The following CHADL variants were observed in gnomAD, a reference collection of about 807,000 sequenced individuals.
CHADL encodes the protein chondroadherin like.
CHADL carries 48 observed loss-of-function variants against 52.1 expected under a neutral mutation model. The observed-to-expected ratio is 0.92, with a 90% confidence interval of 0.73 to 1.17. The LOEUF (loss-of-function observed/expected upper bound fraction) is 1.17. Ranked by LOEUF, CHADL falls within the 50% of genes most tolerant of loss-of-function variation. The pLI is 0.00. For missense variants in CHADL, 977 were observed against 1,035.1 expected, an observed-to-expected ratio of 0.94 and a Z score of 0.77; for synonymous variants, 498 against 511.2, an observed-to-expected ratio of 0.97 and a Z score of 0.35.
intron 5 of CHADL, among the ~76,000 whole-genome samples, chr22:41,232,198 G>A (rs1367179237): frequency 6.6e-6 from 1 of 151,990 alleles, no homozygotes; most frequent in African/African-American, 2.4e-5. Flanking sequence ...CGGGCGTGGT[G>A]GCAGTCACCT....
At chr22:41,232,834 G>A (rs575871477) in intron 5 of CHADL, among the ~76,000 whole-genome samples, 4 of 152,180 alleles carry the variant, frequency 2.6e-5, no homozygotes, top group South Asian at 4.2e-4. Flanking sequence ...CGGGGCTGAC[G>A]CAGGGAGAAA....
intron 3 of CHADL, 49 bp downstream of exon 3, chr22:41,237,127 G>T: frequency 6.7e-7 from 1 of 1,481,792 alleles, no homozygotes; most frequent in Non-Finnish European, 9.0e-7. Flanking sequence ...CGCTGCCTGT[G>T]GCCTTGTGCC....
At chr22:41,237,009 G>A (rs958576723) in intron 3 of CHADL, among the ~76,000 whole-genome samples, 167 bp downstream of exon 3, 2 of 152,196 alleles carry the variant, frequency 1.3e-5, no homozygotes, top group African/African-American at 2.4e-5. Flanking sequence ...GGTTCTGCCC[G>A]GACTGTCACT....
intron 5 of CHADL, chr22:41,230,746 A>G (rs565761482): frequency 6.5e-6 from 1 of 154,172 alleles, no homozygotes; most frequent in East Asian, 1.9e-4. Context: ...CTCTGCCTCA[A>G]AAATTCACCA....
At position 41,238,741 on chromosome 22, in the gene CHADL, G is replaced by A. The variant is rs1313710311; in HGVS notation, c.331C>T (p.Arg111Cys). Residue 111 changes from arginine to cysteine, a missense_variant, in exon 3 of 6, where the codon CGC becomes TGC. By Grantham distance (180) the Arg-to-Cys change is radical (BLOSUM62 -3). Coordinates refer to ENST00000216241, the MANE Select transcript of CHADL (RefSeq NM_138481.2). The surrounding 1 kb of genome is among the most constrained non-coding windows in gnomAD (Gnocchi z 4.9). Reference protein sequence around the residue: ...VAEGAFRGLGRLLLLNLASNH... With the variant: ...VAEGAFRGLGCLLLLNLASNH... ...GAGGCCAGGTTGAGCAGGAGCAGGC[G>A]GCCCAGGCCACGGAAGGCGCCCTCG... 1.9e-6 allele frequency: 3 copies of A among 1,548,602 alleles called. No homozygotes were observed. The highest frequency in any genetic ancestry group is 1.2e-5 in the South Asian group (1 of 84,008).
At chr22:41,239,104 T>C (rs2032813957) in intron 2 of CHADL, among the ~76,000 whole-genome samples, 1 of 152,112 alleles carries the variant, frequency 6.6e-6, no homozygotes, top group Admixed American at 6.5e-5. Context: ...CCTCGCTCTC[T>C]CTCCTCCACT....
Position 41,238,772 on chromosome 22 carries a change from C to T in CHADL, c.300G>A (p.Leu100=), listed in dbSNP as rs996986780. The change falls in exon 3 of 6, where the codon CTG becomes CTA. Residue 100 remains leucine (L), a synonymous_variant. Transcript: ENST00000216241. The surrounding 1 kb of genome is among the most constrained non-coding windows in gnomAD (Gnocchi z 4.9). ...HLDLRHCEVE[L]VAEGAFRGLG... ...GGCCACGGAAGGCGCCCTCGGCCACCAGCTCCACCTCGCAGTGGCGCAGGT... is the reference window on the plus strand; with the variant it reads ...GGCCACGGAAGGCGCCCTCGGCCACTAGCTCCACCTCGCAGTGGCGCAGGT... The T allele has an allele frequency of 6.5e-7, 1 of 1,549,460 alleles. No individual in the cohort carries two copies. The highest frequency in any genetic ancestry group is 1.4e-5 in the African/African-American group (1 of 73,054).
At chr22:41,230,436 G>C in intron 5 of CHADL, 1 of 593,128 alleles carries the variant, frequency 1.7e-6, no homozygotes, top group Admixed American at 3.0e-5. Flanking sequence ...TGTTGCTTCT[G>C]CCCTCCCCTG....
At position 41,240,871 on chromosome 22, in the gene CHADL, C is replaced by A; in HGVS notation, c.8+3G>T. 1 of 1,550,816 alleles carries A rather than the reference C, an allele frequency of 6.4e-7. No homozygotes were observed. ...CCTTGCACCATCGGGCCCAAAGACTCACCCCTCCATGCCGCCTGGAACTGC... is the reference window on the plus strand; with the variant it reads ...CCTTGCACCATCGGGCCCAAAGACTAACCCCTCCATGCCGCCTGGAACTGC... On this transcript the variant is annotated splice_donor_region_variant and intron_variant, in intron 1 of 5. Coordinates refer to ENST00000216241, the MANE Select transcript of CHADL (RefSeq NM_138481.2).
intron 5 of CHADL, among the ~76,000 whole-genome samples, chr22:41,234,281 G>A (rs963379994): frequency 3.9e-5 from 6 of 152,172 alleles, no homozygotes; most frequent in African/African-American, 1.4e-4. Flanking sequence ...CCCACAGCAG[G>A]AGCAAATGGT....
chr22:41,236,782 A>G, intron 3 of CHADL, 132 bp from the exon 4 acceptor site: 1 of 911,242 alleles, frequency 1.1e-6, no homozygotes, highest in South Asian at 1.8e-5. Flanking sequence ...CAGGAAGTGC[A>G]GCGCTGGGTC....
rs953785142 is a variant in CHADL, at chr22:41,233,036, A to C, written c.2262+2109T>G. 7.2e-5 allele frequency among the ~76,000 whole-genome samples: 11 copies of C among 152,172 alleles called. 1 individual carries two copies. Among genetic ancestry groups the C allele is most frequent in the African/African-American group, 2.7e-4 (11 of 41,452 alleles). ...TTATAGACTGACTTGTGCCCATCCC[A>C]AAAGGCTGGATCCCTAACCCCAGTA... On this transcript the variant is annotated intron_variant, in intron 5 of 5. Transcript: ENST00000216241.
At position 41,235,297 on chromosome 22, in the gene CHADL, G is replaced by T. The variant is rs1342895874; in HGVS notation, c.2110C>A (p.Pro704Thr). ...NLRVGATCAT[P>T]PNARGQRVKA... is the part of the protein sequence containing the mutation. The stretch of plus-strand genomic sequence containing the variant: ...ACCCTCTGGCCACGGGCATTGGGAG[G>T]GGTGGCGCAGGTGGCCCCCACCCGC... The change falls in exon 5 of 6, where the codon CCT becomes ACT. Residue 704 changes from proline (P) to threonine (T), a missense_variant. Coordinates refer to ENST00000216241, the MANE Select transcript of CHADL (RefSeq NM_138481.2). The T allele has an allele frequency of 6.4e-7, 1 of 1,551,166 alleles. No homozygotes were observed. The highest frequency in any genetic ancestry group is 2.0e-5 in the Admixed American group (1 of 51,008).
chr22:41,230,130 C>T (rs752701568), intron 5 of CHADL: 15 of 1,576,588 alleles, frequency 9.5e-6, no homozygotes, highest in Non-Finnish European at 1.2e-5. Context: ...GCCTCCCCTC[C>T]CTCTTCAGTC....
At chr22:41,231,664 A>G (rs1482432205) in intron 5 of CHADL, among the ~76,000 whole-genome samples, 1 of 152,170 alleles carries the variant, frequency 6.6e-6, no homozygotes, top group East Asian at 1.9e-4. Flanking sequence ...CCATGCAGTA[A>G]CCTTGTGCCT....
intron 3 of CHADL, 123 bp downstream of exon 3, chr22:41,237,053 G>C (rs1220301194): frequency 3.8e-6 from 4 of 1,040,442 alleles, no homozygotes; most frequent in Non-Finnish European, 5.4e-6. Flanking sequence ...TTTATCTCAG[G>C]GTCCCCGTGC....
chr22:41,230,192 G>C (rs1350577152), intron 5 of CHADL: 3 of 1,611,068 alleles, frequency 1.9e-6, no homozygotes, highest in Middle Eastern at 1.7e-4. Flanking sequence ...GCCCGACAAG[G>C]CTTCAAGTCC....
intron 5 of CHADL, among the ~76,000 whole-genome samples, chr22:41,231,837 T>C (rs1008521007): frequency 6.6e-6 from 1 of 152,058 alleles, no homozygotes; most frequent in South Asian, 2.1e-4. Context: ...CTGCCCTGCC[T>C]CCCTTGTCCT....
At chr22:41,236,704 C>G (rs2032746808) in intron 3 of CHADL, 54 bp from the exon 4 acceptor site, 7 of 1,483,408 alleles carry the variant, frequency 4.7e-6, no homozygotes, top group Non-Finnish European at 6.3e-6. Flanking sequence ...TGTCCCACCC[C>G]CAAGTCTGGA....
Sources: allele counts gnomAD v4.1 joint callset (sites outside exome capture counted in the v4.1 genomes callset), GRCh38; gene constraint gnomAD v4.1.1; non-coding constraint Gnocchi (gnomAD v3.1); transcripts MANE v1.5; gene names NCBI Gene and HGNC (gene_info 2026-07-23, HGNC 2026-07-21).